Variants in PLCE1 observed in about 807,000 individuals in gnomAD.
The protein encoded by PLCE1 is phospholipase C epsilon 1.
In PLCE1, 119 loss-of-function variants were observed where a neutral mutation model predicts 242.8. The observed-to-expected ratio is 0.49, with a 90% confidence interval of 0.42 to 0.57. The LOEUF (loss-of-function observed/expected upper bound fraction) is 0.57. Ranked by LOEUF, PLCE1 falls within the 20% of genes least tolerant of loss-of-function variation. The probability of loss-of-function intolerance (pLI) is 0.00; values close to 1 mark genes in which losing one functional copy is unlikely to be tolerated. For missense variants in PLCE1, 2,441 were observed against 2,788.8 expected (o/e 0.88, Z 2.81); for synonymous variants, 945 against 1,017.4 (o/e 0.93, Z 1.35).
Position 94,246,321 on chromosome 10 carries a change from G to T in PLCE1, c.2796G>T (p.Thr932=), listed in dbSNP as rs747936450. 17 of 1,614,176 alleles carry T rather than the reference G, an allele frequency of 1.1e-5. No individual in the cohort carries two copies. The highest frequency in any genetic ancestry group is 1.4e-5 in the Non-Finnish European group (17 of 1,180,024). ...LLGNAGLSSL[T]EGVLDLFAVK... ...GTAATGCTGGATTAAGTAGCCTGAC[G>T]GAAGGGGTCTTGGATCTTTTTGCAG... The change falls in exon 8 of 33, where the codon ACG becomes ACT. Residue 932 remains threonine, a synonymous_variant. Coordinates refer to ENST00000371380, the MANE Select transcript of PLCE1 (RefSeq NM_016341.4).
chr10:94,327,876 T>C (rs2054089596), intron 32 of PLCE1, 92 bp from the exon 33 acceptor site: 3 of 420,456 alleles, frequency 7.1e-6, no homozygotes, highest in South Asian at 3.8e-5. Context: ...ACTAGAGCTG[T>C]GGCTGGAAAA....
At chr10:94,044,172 G>A (rs1589906966) in intron 2 of PLCE1, among the ~76,000 whole-genome samples, 1 of 152,114 alleles carries the variant, frequency 6.6e-6, no homozygotes, top group East Asian at 1.9e-4. Context: ...TATTTTTGCC[G>A]AGTACATTTA....
chr10:94,136,486 A>G (rs947768273), intron 3 of PLCE1, among the ~76,000 whole-genome samples: 2 of 152,198 alleles, frequency 1.3e-5, no homozygotes, highest in African/African-American at 2.4e-5. Context: ...ATTAGGATGT[A>G]AGAAAGAACC....
chr10:94,042,440 G>A (rs116715692), intron 2 of PLCE1, among the ~76,000 whole-genome samples: 1,727 of 152,230 alleles, frequency 0.011, 24 homozygotes, highest in African/African-American at 0.039. Context: ...CACCATGTTA[G>A]CACTTGAACC....
chr10:94,197,396 G>C (rs2136699650), intron 4 of PLCE1, among the ~76,000 whole-genome samples: 1 of 152,204 alleles, frequency 6.6e-6, no homozygotes, highest in South Asian at 2.1e-4. Context: ...AGCATTTTGA[G>C]GAATTGCCAA....
At chr10:94,327,639 T>C (rs1383386409) in intron 32 of PLCE1, among the ~76,000 whole-genome samples, 1 of 152,250 alleles carries the variant, frequency 6.6e-6, no homozygotes, top group East Asian at 1.9e-4. Flanking sequence ...CTACAGATTT[T>C]TAAAGAACAT....
intron 3 of PLCE1, among the ~76,000 whole-genome samples, chr10:94,164,637 G>A (rs998590786): frequency 5.3e-5 from 8 of 152,158 alleles, no homozygotes; most frequent in South Asian, 2.1e-4. Context: ...CTCTCAACTC[G>A]TCAAAGTCAT....
intron 16 of PLCE1, among the ~76,000 whole-genome samples, chr10:94,268,447 G>A (rs1198755382): frequency 5.9e-5 from 9 of 152,146 alleles, no homozygotes; most frequent in Non-Finnish European, 8.8e-5. Context: ...ATGTTTAATC[G>A]TGGCTTAATT....
intron 2 of PLCE1, among the ~76,000 whole-genome samples, chr10:94,119,787 G>A (rs1346308812): frequency 2.6e-5 from 4 of 152,146 alleles, no homozygotes; most frequent in Admixed American, 6.5e-5. Flanking sequence ...AGGACAAGAA[G>A]CTCTTTTACT....
intron 4 of PLCE1, among the ~76,000 whole-genome samples, chr10:94,213,159 A>C (rs1393737950): frequency 6.6e-6 from 1 of 152,184 alleles, no homozygotes; most frequent in African/African-American, 2.4e-5. Context: ...CACTGTTTAT[A>C]TCTTAGGTAG....
chr10:94,131,217 G>A (rs1053675346), intron 2 of PLCE1, among the ~76,000 whole-genome samples: 2 of 152,148 alleles, frequency 1.3e-5, no homozygotes, highest in African/African-American at 2.4e-5. Context: ...TGTCTCCTCC[G>A]TTTGTTTATA....
rs1564905172 is a variant in PLCE1, at chr10:94,329,796, A to AAAAC, written c.*1856_*1857insCAAA. On this transcript the variant is annotated 3_prime_UTR_variant, in exon 33 of 33. Transcript: ENST00000371380. ...CGTCTCAAAAAAAAAAAAAAAAAAAAAAAAAAAAAAAAAAACACCATACAG... is the reference window on the plus strand; with the variant it reads ...CGTCTCAAAAAAAAAAAAAAAAAAAAAAACAAAAAAAAAAAAAAACACCATACAG... 2.0e-5 allele frequency: 3 copies of AAAAC among 150,312 alleles called. No homozygotes were observed. Among genetic ancestry groups the AAAAC allele is most frequent in the Non-Finnish European group, 4.4e-5 (3 of 67,854 alleles). The allele number at this position is 150,312 out of a possible 1,614,324, so 9.3% of individuals were successfully genotyped here. A position where few individuals can be genotyped will look rare whatever the true frequency, so the allele number is the denominator to read the frequency against.
At chr10:94,081,598 A>T (rs1273086538) in intron 2 of PLCE1, among the ~76,000 whole-genome samples, 1 of 152,188 alleles carries the variant, frequency 6.6e-6, no homozygotes, top group East Asian at 1.9e-4. Context: ...TTCATGTCTT[A>T]TTACACTGCC....
chr10:94,283,509 A>G (rs934113294), intron 20 of PLCE1: 1 of 349,636 alleles, frequency 2.9e-6, no homozygotes, highest in African/African-American at 2.1e-5. Flanking sequence ...TGGCATCTTC[A>G]TTTAGATTAT....
intron 3 of PLCE1, among the ~76,000 whole-genome samples, chr10:94,146,539 T>C (rs1433308648): frequency 6.6e-6 from 1 of 152,174 alleles, no homozygotes; most frequent in Non-Finnish European, 1.5e-5. Flanking sequence ...ACATAAAGCA[T>C]AGGTCTTGAC....
intron 4 of PLCE1, among the ~76,000 whole-genome samples, chr10:94,204,748 G>GAAGAAGGA (rs1554883694): frequency 6.2e-4 from 76 of 122,448 alleles, no homozygotes; most frequent in African/African-American, 8.2e-4. Flanking sequence ...AGAAGGGAGG[G>GAAGAAGGA]AGGAAGGAAG....
intron 2 of PLCE1, among the ~76,000 whole-genome samples, chr10:94,090,750 T>C (rs1180100697): frequency 6.6e-6 from 1 of 152,228 alleles, no homozygotes; most frequent in Non-Finnish European, 1.5e-5. Flanking sequence ...TCAGCCTATG[T>C]CGTCCTGTTT....
At chr10:94,087,282 C>T (rs1414821918) in intron 2 of PLCE1, among the ~76,000 whole-genome samples, 1 of 138,290 alleles carries the variant, frequency 7.2e-6, no homozygotes, top group Admixed American at 7.8e-5. Context: ...CCTGGGAGAT[C>T]GAGGCTGCAG....
chr10:94,197,982 C>CAAAAAAAAA (rs3053181), intron 4 of PLCE1, among the ~76,000 whole-genome samples: 10 of 58,354 alleles, frequency 1.7e-4, no homozygotes, highest in African/African-American at 2.0e-4. Context: ...GACTCTGTCT[C>CAAAAAAAAA]AAAAAAAAAA....
Sources: gnomAD v4.1 joint callset for allele counts (sites outside exome capture counted in the v4.1 genomes callset) on GRCh38, gnomAD v4.1.1 for gene constraint, MANE v1.5 for transcripts, NCBI Gene and HGNC (gene_info 2026-07-23, HGNC 2026-07-21) for gene names.